ANGPT2: variants seen among roughly 807,000 people sequenced by gnomAD.
ANGPT2 encodes angiopoietin 2.
ANGPT2 carries 28 observed loss-of-function variants against 62.9 expected under a neutral mutation model. The ratio of observed to expected loss-of-function variants is 0.44; its 90% CI spans 0.33 to 0.61. The LOEUF (loss-of-function observed/expected upper bound fraction) is 0.61, where lower values mean the gene tolerates loss of function less well. ANGPT2 is among the 20% of genes least tolerant of loss of function. The probability of loss-of-function intolerance (pLI) is 0.03; values close to 1 mark genes in which losing one functional copy is unlikely to be tolerated. For missense variants in ANGPT2, 727 were observed against 594.9 expected (o/e 1.22, Z -2.31); for synonymous variants, 284 against 207.8 (o/e 1.37, Z -3.15).
chr8:6,500,132 G>A lies in ANGPT2; in HGVS notation c.*2969C>T, dbSNP rs1811863360. ...ACGTGAGACCATTGTGCAAAAAGTA[G>A]TGAGGAATGCAGTCCAAAGAAAATT... On this transcript the variant is annotated 3_prime_UTR_variant, in exon 9 of 9. Transcript: ENST00000629816. 1.7e-6 allele frequency: 1 copy of A among 578,398 alleles called. No individual in the cohort carries two copies. Among genetic ancestry groups the A allele is most frequent in the African/African-American group, 1.9e-5 (1 of 53,448 alleles). The allele number at this position is 578,398 out of a possible 1,614,324, so 35.8% of individuals were successfully genotyped here.
intron 1 of ANGPT2, among the ~76,000 whole-genome samples, chr8:6,544,947 G>T (rs1440001214): frequency 6.6e-6 from 1 of 152,140 alleles, no homozygotes; most frequent in Non-Finnish European, 1.5e-5. Flanking sequence ...TTATTATTTT[G>T]ATTTTTAAAT....
chr8:6,517,817 T>C (rs1816561680), intron 5 of ANGPT2, among the ~76,000 whole-genome samples: 1 of 152,166 alleles, frequency 6.6e-6, no homozygotes, highest in South Asian at 2.1e-4. Context: ...AGTCTGTCTA[T>C]CTCTCCCTGG....
chr8:6,539,049 G>A (rs79903303), intron 1 of ANGPT2, among the ~76,000 whole-genome samples: 1 of 138,894 alleles, frequency 7.2e-6, no homozygotes. Context: ...GTGTGTGTGT[G>A]TTTATTCTGG....
chr8:6,519,335 GGTAAA>G (rs1422001195), intron 5 of ANGPT2, among the ~76,000 whole-genome samples: 5 of 152,144 alleles, frequency 3.3e-5, no homozygotes, highest in Admixed American at 3.3e-4. Flanking sequence ...AACCATGGTG[GGTAAA>G]ACTGCCACCA....
intron 2 of ANGPT2, among the ~76,000 whole-genome samples, chr8:6,531,686 C>T (rs1246233545): frequency 6.6e-6 from 1 of 152,164 alleles, no homozygotes; most frequent in Admixed American, 6.5e-5. Flanking sequence ...ACTTGTCTGG[C>T]CCAACCCTTT....
At chr8:6,535,592 G>A (rs1245447188) in intron 1 of ANGPT2, among the ~76,000 whole-genome samples, 1 of 152,080 alleles carries the variant, frequency 6.6e-6, no homozygotes. Context: ...TAGCATATAT[G>A]TATATAGTGT....
chr8:6,546,028 G>A (rs1228314781), intron 1 of ANGPT2, among the ~76,000 whole-genome samples: 1 of 152,200 alleles, frequency 6.6e-6, no homozygotes, highest in East Asian at 1.9e-4. Context: ...ACAGATTTGA[G>A]AATCAAACAC....
At chr8:6,514,533 T>C (rs1453885484) in intron 6 of ANGPT2, 144 bp downstream of exon 6, 16 of 712,484 alleles carry the variant, frequency 2.2e-5, no homozygotes, top group Non-Finnish European at 3.6e-5. Flanking sequence ...GGCCATTCTT[T>C]AAAGGGGAGA....
At chr8:6,551,818 A>C (rs2922866) in intron 1 of ANGPT2, among the ~76,000 whole-genome samples, 3,309 of 152,294 alleles carry the variant, frequency 0.022, 121 homozygotes, top group African/African-American at 0.071. Context: ...TTTTTCAGCA[A>C]AATACAATAA....
At chr8:6,562,626 A>T in intron 1 of ANGPT2, 21 bp downstream of exon 1, 1 of 1,405,616 alleles carries the variant, frequency 7.1e-7, no homozygotes, top group East Asian at 2.9e-5. Context: ...GTTCACAAAG[A>T]CAGATGGATT....
At chr8:6,518,600 C>T (rs1312673322) in intron 5 of ANGPT2, among the ~76,000 whole-genome samples, 1 of 152,084 alleles carries the variant, frequency 6.6e-6, no homozygotes, top group Non-Finnish European at 1.5e-5. Context: ...AACCCTAATG[C>T]TTGTATTTTT....
chr8:6,515,530 C>G (rs192066949), intron 5 of ANGPT2, among the ~76,000 whole-genome samples: 101 of 152,314 alleles, frequency 6.6e-4, no homozygotes, highest in Non-Finnish European at 7.5e-4. Flanking sequence ...TGGGTTTAAA[C>G]TTTGTCCAGA....
intron 1 of ANGPT2, among the ~76,000 whole-genome samples, chr8:6,545,141 A>G (rs1183884980): frequency 6.6e-6 from 1 of 152,038 alleles, no homozygotes; most frequent in African/African-American, 2.4e-5. Flanking sequence ...CGAACTTACT[A>G]AAGGTGATAG....
At chr8:6,546,953 A>C (rs900566315) in intron 1 of ANGPT2, among the ~76,000 whole-genome samples, 1 of 152,220 alleles carries the variant, frequency 6.6e-6, no homozygotes, top group Non-Finnish European at 1.5e-5. Context: ...GTTCCTTGCA[A>C]GCTGGCTGGT....
At chr8:6,528,689 A>T (rs912217601) in intron 2 of ANGPT2, among the ~76,000 whole-genome samples, 2 of 152,190 alleles carry the variant, frequency 1.3e-5, no homozygotes, top group African/African-American at 4.8e-5. Flanking sequence ...TCGACTACTC[A>T]CTTCCTCCAT....
chr8:6,542,033 A>G (rs902060630), intron 1 of ANGPT2, among the ~76,000 whole-genome samples: 7 of 151,974 alleles, frequency 4.6e-5, no homozygotes, highest in African/African-American at 1.5e-4. Flanking sequence ...AAAGTACTGA[A>G]TGATAAATGA....
chr8:6,539,211 AGTG>A (rs1821071125), intron 1 of ANGPT2, among the ~76,000 whole-genome samples: 1 of 152,248 alleles, frequency 6.6e-6, no homozygotes, highest in African/African-American at 2.4e-5. Context: ...CAGTACCCAC[AGTG>A]AGAGGTGATG....
At chr8:6,532,977 G>A (rs1819811042) in intron 1 of ANGPT2, among the ~76,000 whole-genome samples, 1 of 152,244 alleles carries the variant, frequency 6.6e-6, no homozygotes, top group African/African-American at 2.4e-5. Flanking sequence ...CATATAAGGA[G>A]AGGAGCACCC....
chr8:6,532,254 A>G (rs1819661312), intron 2 of ANGPT2, 78 bp downstream of exon 2: 3 of 1,547,250 alleles, frequency 1.9e-6, no homozygotes, highest in Non-Finnish European at 2.6e-6. Flanking sequence ...TCATGCCTTC[A>G]TTGAGGAAGC....
Sources: gnomAD v4.1 joint callset for allele counts (sites outside exome capture counted in the v4.1 genomes callset) on GRCh38, gnomAD v4.1.1 for gene constraint, MANE v1.5 for transcripts, NCBI Gene and HGNC (gene_info 2026-07-23, HGNC 2026-07-21) for gene names.